ONECUT1: variants seen among roughly 807,000 people sequenced by gnomAD.
The protein encoded by ONECUT1 is one cut homeobox 1.
A neutral mutation model predicts 25.6 loss-of-function variants in ONECUT1; 12 were observed. The observed-to-expected ratio is 0.47, with a 90% CI of 0.30 to 0.76. The LOEUF (loss-of-function observed/expected upper bound fraction) is 0.76, where lower values mean the gene tolerates loss of function less well. Among genes scored for constraint, ONECUT1 ranks in the 30% least tolerant of loss-of-function variants. The pLI is 0.07. For synonymous variants in ONECUT1, 285 were observed against 270.2 expected (o/e 1.05, Z -0.54); for missense variants, 620 against 651.2 (o/e 0.95, Z 0.52).
At chr15:52,785,192 C>T (rs2141464070) in intron 1 of ONECUT1, among the ~76,000 whole-genome samples, 1 of 152,348 alleles carries the variant, frequency 6.6e-6, no homozygotes. Context: ...AGCAGGGGGA[C>T]ATTTGAAATG....
chr15:52,788,500 C>G lies in ONECUT1; in HGVS notation c.1105+280G>C. On this transcript the variant is annotated intron_variant, in intron 1 of 1. Coordinates refer to ENST00000305901, the MANE Select transcript of ONECUT1 (RefSeq NM_004498.4). The surrounding 1 kb of genome is among the most constrained non-coding windows in gnomAD (Gnocchi z 4.3). ...TTCTCTCCGCCTCAGGCCGTACGAGCTTCCCTCGCTGTCCCTGAGCGCAAA... is the reference window on the plus strand; with the variant it reads ...TTCTCTCCGCCTCAGGCCGTACGAGGTTCCCTCGCTGTCCCTGAGCGCAAA... 1 of 436,120 alleles carries G rather than the reference C, an allele frequency of 2.3e-6. No individual in the cohort carries two copies. Among genetic ancestry groups the G allele is most frequent in the Non-Finnish European group, 4.1e-6 (1 of 243,124 alleles). The allele number at this position is 436,120 out of a possible 1,614,324, so 27.0% of individuals were successfully genotyped here. A position where few individuals can be genotyped will look rare whatever the true frequency, so the allele number is the denominator to read the frequency against.
chr15:52,757,438 G>T lies in ONECUT1; in HGVS notation c.*117C>A. On this transcript the variant is annotated 3_prime_UTR_variant, in exon 2 of 2. Coordinates refer to ENST00000305901, the MANE Select transcript of ONECUT1 (RefSeq NM_004498.4). ...TTGGTTTCTTTGGACTATAAATAAC[G>T]CTTTTTTTTCTTCAAATATTTCTAA... The T allele has an allele frequency of 8.4e-7, 1 of 1,189,426 alleles. No individual in the cohort carries two copies. Among genetic ancestry groups the T allele is most frequent in the Non-Finnish European group, 1.2e-6 (1 of 850,780 alleles). The allele number at this position is 1,189,426 out of a possible 1,614,324, so 73.7% of individuals were successfully genotyped here.
intron 1 of ONECUT1, among the ~76,000 whole-genome samples, chr15:52,780,180 T>C (rs141769520): frequency 6.6e-6 from 1 of 152,232 alleles, no homozygotes; most frequent in African/African-American, 2.4e-5. Flanking sequence ...GAGGCAGCCC[T>C]TTTTTAATGT....
intron 1 of ONECUT1, among the ~76,000 whole-genome samples, chr15:52,780,057 C>T (rs1443871758): frequency 8.5e-5 from 13 of 152,318 alleles, no homozygotes; most frequent in African/African-American, 2.6e-4. Flanking sequence ...GAATTCTCTT[C>T]CTCCCTATCC....
At chr15:52,768,714 A>C (rs2083749188) in intron 1 of ONECUT1, among the ~76,000 whole-genome samples, 2 of 152,234 alleles carry the variant, frequency 1.3e-5, no homozygotes, top group African/African-American at 4.8e-5. Flanking sequence ...TACAATCTTG[A>C]GTTTTCACTA....
At chr15:52,760,981 C>CAGGTAAGGTCCATTCTTG (rs79303729) in intron 1 of ONECUT1, among the ~76,000 whole-genome samples, 1 of 148,840 alleles carries the variant, frequency 6.7e-6, no homozygotes, top group Admixed American at 6.8e-5. Flanking sequence ...AGGTGGCTCT[C>CAGGTAAGGTCCATTCTTG]GAATTGCCCT....
chr15:52,777,508 A>C lies in ONECUT1; in HGVS notation c.1105+11272T>G, dbSNP rs190851936. Among the ~76,000 whole-genome samples, 164 of 152,260 alleles carry C rather than the reference A, an allele frequency of 1.1e-3. 1 individual carries two copies. Among genetic ancestry groups the C allele is most frequent in the Admixed American group, 2.4e-3 (37 of 15,300 alleles). On this transcript the variant is annotated intron_variant, in intron 1 of 1. Coordinates refer to ENST00000305901, the MANE Select transcript of ONECUT1 (RefSeq NM_004498.4). ...CACTCAGCTGTGCTGGGAAAGAAACAAGCTTTTAGCTTCATAGTAATTCTG... is the reference window on the plus strand; with the variant it reads ...CACTCAGCTGTGCTGGGAAAGAAACCAGCTTTTAGCTTCATAGTAATTCTG...
At chr15:52,777,168 A>G (rs1429065767) in intron 1 of ONECUT1, among the ~76,000 whole-genome samples, 1 of 152,264 alleles carries the variant, frequency 6.6e-6, no homozygotes, top group Non-Finnish European at 1.5e-5. Flanking sequence ...AAAAGATTTT[A>G]TAAACACACA....
At position 52,780,685 on chromosome 15, in the gene ONECUT1, A is replaced by G. The variant is rs543492576; in HGVS notation, c.1105+8095T>C. 26 of 1,530,722 alleles carry G rather than the reference A, an allele frequency of 1.7e-5. No homozygotes were observed. The Middle Eastern group carries it at 5.0e-4, about 30-fold the overall frequency. The allele number at this position is 1,530,722 out of a possible 1,614,324, so 94.8% of individuals were successfully genotyped here. The stretch of plus-strand genomic sequence containing the variant: ...TTCAGTCGCAGAATCTGCAGCGAGC[A>G]CAGAGGTCACTAGGTGGCGCGCTTC... On this transcript the variant is annotated intron_variant, in intron 1 of 1. Coordinates refer to ENST00000305901, the MANE Select transcript of ONECUT1 (RefSeq NM_004498.4).
intron 1 of ONECUT1, among the ~76,000 whole-genome samples, chr15:52,762,282 T>C (rs1232386466): frequency 6.6e-6 from 1 of 152,220 alleles, no homozygotes; most frequent in East Asian, 1.9e-4. Context: ...AGAAGAATGA[T>C]ACTCTCTCAA....
intron 1 of ONECUT1, among the ~76,000 whole-genome samples, chr15:52,760,547 T>A (rs989866885): frequency 6.6e-5 from 10 of 152,068 alleles, no homozygotes; most frequent in African/African-American, 2.4e-4. Flanking sequence ...CAGGAAGGAA[T>A]TACAGAGAAG....
At chr15:52,786,704 G>T (rs1019098489) in intron 1 of ONECUT1, among the ~76,000 whole-genome samples, 3 of 152,244 alleles carry the variant, frequency 2.0e-5, no homozygotes, top group African/African-American at 7.2e-5. Context: ...GGAGGTCAGA[G>T]GGCGCTCCTG....
At position 52,777,728 on chromosome 15, in the gene ONECUT1, AC is replaced by A. The variant is rs1566992333; in HGVS notation, c.1105+11051del. ...CACACACACACACACACACACACAC[AC>A]ACACACACAAAAAAACATGTAAAGT... On this transcript the variant is annotated intron_variant, in intron 1 of 1. Coordinates refer to ENST00000305901, the MANE Select transcript of ONECUT1 (RefSeq NM_004498.4). Among the ~76,000 whole-genome samples, 311 of 125,186 alleles carry A rather than the reference AC, an allele frequency of 2.5e-3. 6 individuals are homozygous for A. Among genetic ancestry groups the A allele is most frequent in the South Asian group, 0.015 (60 of 3,958 alleles). 82.1% of individuals were successfully genotyped at this position (125,186 alleles called of 152,430 possible).
intron 1 of ONECUT1, among the ~76,000 whole-genome samples, chr15:52,773,841 G>A (rs2083783108): frequency 6.6e-6 from 1 of 152,250 alleles, no homozygotes; most frequent in Non-Finnish European, 1.5e-5. Flanking sequence ...GGAAAAAAAA[G>A]GAATGCCTGA....
chr15:52,760,101 A>C (rs1270927797), intron 1 of ONECUT1, among the ~76,000 whole-genome samples: 3 of 152,220 alleles, frequency 2.0e-5, no homozygotes, highest in Admixed American at 6.5e-5. Context: ...TTTGTAGGCA[A>C]GGCAGGCCTT....
rs2083889147 is a variant in ONECUT1, at chr15:52,788,123, A to T, written c.1105+657T>A. On this transcript the variant is annotated intron_variant, in intron 1 of 1. Coordinates refer to ENST00000305901, the MANE Select transcript of ONECUT1 (RefSeq NM_004498.4). This position sits in a 1 kb window ranked among gnomAD's most constrained non-coding sequence, Gnocchi z 4.3. ...CTCTCACTGGGACCTTGGGACGGTC[A>T]GCCTCCCTCTCCTTTCCACAGCCAA... 6.6e-6 allele frequency: 1 copy of T among 152,442 alleles called. No homozygotes were observed. 9.4% of individuals were successfully genotyped at this position (152,442 alleles called of 1,614,324 possible).
chr15:52,758,545 T>C (rs924277132), intron 1 of ONECUT1, among the ~76,000 whole-genome samples: 3 of 152,172 alleles, frequency 2.0e-5, no homozygotes, highest in African/African-American at 7.2e-5. Context: ...TTCTTCGACA[T>C]TGAGACTAAA....
chr15:52,765,735 C>A (rs2083730481), intron 1 of ONECUT1, among the ~76,000 whole-genome samples: 1 of 152,088 alleles, frequency 6.6e-6, no homozygotes, highest in South Asian at 2.1e-4. Flanking sequence ...TCCAGGAGTC[C>A]TAGGTCAGAA....
chr15:52,783,687 T>C (rs1202627860), intron 1 of ONECUT1, among the ~76,000 whole-genome samples: 1 of 152,238 alleles, frequency 6.6e-6, no homozygotes, highest in Non-Finnish European at 1.5e-5. Context: ...CGCCGGGTAT[T>C]ATATCCCTCA....
Sources: gnomAD v4.1 joint callset for allele counts (sites outside exome capture counted in the v4.1 genomes callset) on GRCh38, gnomAD v4.1.1 for gene constraint, Gnocchi (gnomAD v3.1) non-coding constraint, MANE v1.5 for transcripts, NCBI Gene and HGNC (gene_info 2026-07-23, HGNC 2026-07-21) for gene names.